The following CELF2 variants were observed in gnomAD, a reference collection of about 807,000 sequenced individuals.
CELF2 encodes the protein CUG triplet repeat RNA-binding protein 2.
Under a neutral mutation model 62.6 loss-of-function variants are expected in CELF2, and 8 were observed. That is an observed-to-expected ratio of 0.13 (90% CI 0.07 to 0.23). The LOEUF (loss-of-function observed/expected upper bound fraction) is 0.23. Ranked by LOEUF, CELF2 falls within the 10% of genes least tolerant of loss-of-function variation. The pLI is 1.00. For synonymous variants in CELF2, 258 were observed against 250.0 expected (o/e 1.03, Z -0.30); for missense variants, 333 against 671.0 (o/e 0.50, Z 5.56).
chr10:11,123,086 T>TC (rs150759800), intron 1 of CELF2, among the ~76,000 whole-genome samples: 10,591 of 152,180 alleles, frequency 0.07, 445 homozygotes, highest in African/African-American at 0.1. Flanking sequence ...TTCCTCCCGG[T>TC]CCTCAGTCTC....
chr10:11,278,585 A>G (rs1417401977), intron 8 of CELF2, among the ~76,000 whole-genome samples: 3 of 152,240 alleles, frequency 2.0e-5, no homozygotes, highest in South Asian at 2.1e-4. Context: ...TCAGAAGATC[A>G]TATAACAGAA....
the CELF2 span, among the ~76,000 whole-genome samples, chr10:10,783,231 A>C: frequency 2.6e-5 from 4 of 152,320 alleles, no homozygotes; most frequent in Non-Finnish European, 5.9e-5. Context: ...CTTGAAATAA[A>C]GTCTTTGCAG....
rs1405723864 is a variant in CELF2 at position 10,972,921 on chromosome 10, A to G, written c.89+52922A>G. Among the ~76,000 whole-genome samples the G allele has an allele frequency of 6.6e-6, 1 of 152,154 alleles. No individual in the cohort carries two copies. Among genetic ancestry groups the G allele is most frequent in the Non-Finnish European group, 1.5e-5 (1 of 68,036 alleles). On this transcript the variant is annotated intron_variant, in intron 2 of 13. Transcript: ENST00000636488. This position sits in a 1 kb window ranked among gnomAD's most constrained non-coding sequence, Gnocchi z 4.4. ...GAAGGCACAACAGGATGATCACATG[A>G]TAGATGGAAAGATGTGAAGGGAGGG...
the CELF2 span, among the ~76,000 whole-genome samples, chr10:10,773,775 C>T: frequency 6.6e-6 from 1 of 152,176 alleles, no homozygotes; most frequent in Non-Finnish European, 1.5e-5. Context: ...CAACCTTGAC[C>T]TTTTCCCTGT....
chr10:10,869,320 T>G (rs1205548700), intron 1 of CELF2, among the ~76,000 whole-genome samples: 3 of 152,104 alleles, frequency 2.0e-5, no homozygotes, highest in Non-Finnish European at 4.4e-5. Context: ...TCCCAGCACT[T>G]TGGGAGGCCA....
intron 1 of CELF2, among the ~76,000 whole-genome samples, chr10:11,116,726 A>G (rs1347833784): frequency 1.3e-5 from 2 of 152,254 alleles, no homozygotes; most frequent in African/African-American, 4.8e-5. Flanking sequence ...CAAGAAAATT[A>G]TCAGAATTTG....
At chr10:11,036,419 TTAC>T (rs2060958735) in intron 1 of CELF2, among the ~76,000 whole-genome samples, 1 of 152,222 alleles carries the variant, frequency 6.6e-6, no homozygotes, top group African/African-American at 2.4e-5. Context: ...AAAGGTACAG[TTAC>T]TAATTGAGGG....
intron 2 of CELF2, among the ~76,000 whole-genome samples, chr10:11,170,206 A>G (rs1430772049): frequency 1.3e-5 from 2 of 152,232 alleles, no homozygotes; most frequent in African/African-American, 4.8e-5. Context: ...ACTCTGCCTC[A>G]GGTCTGTGAA....
intron 7 of CELF2, among the ~76,000 whole-genome samples, chr10:11,271,820 T>C (rs926698147): frequency 1.3e-5 from 2 of 152,178 alleles, no homozygotes; most frequent in Non-Finnish European, 2.9e-5. Context: ...GGCTTTACTT[T>C]GTAGCAGAAG....
At chr10:10,643,427 G>T in the CELF2 span, among the ~76,000 whole-genome samples, 4 of 152,114 alleles carry the variant, frequency 2.6e-5, no homozygotes, top group African/African-American at 7.2e-5. Flanking sequence ...CATGTAAGAC[G>T]TGACTTTGCT....
intron 2 of CELF2, among the ~76,000 whole-genome samples, chr10:10,973,782 G>T (rs1007288277): frequency 6.6e-6 from 1 of 152,058 alleles, no homozygotes; most frequent in African/African-American, 2.4e-5. Flanking sequence ...TGCCTGGGCT[G>T]GTCTCGAACT....
the CELF2 span, among the ~76,000 whole-genome samples, chr10:10,533,648 C>G: frequency 6.6e-6 from 1 of 152,188 alleles, no homozygotes; most frequent in Non-Finnish European, 1.5e-5. Context: ...GGCTTAATCA[C>G]TTTGACAGAG....
intron 1 of CELF2, among the ~76,000 whole-genome samples, chr10:11,023,940 G>A (rs1349371033): frequency 1.3e-5 from 2 of 152,138 alleles, no homozygotes; most frequent in Non-Finnish European, 2.9e-5. Context: ...TGACGTATGA[G>A]TACAAATTCA....
the CELF2 span, among the ~76,000 whole-genome samples, chr10:10,564,682 G>GCACA: frequency 1.6e-3 from 210 of 130,772 alleles, 1 homozygote; most frequent in Middle Eastern, 3.7e-3. Flanking sequence ...ACGCACACAC[G>GCACA]CACACACACA....
intron 4 of CELF2, among the ~76,000 whole-genome samples, chr10:11,251,444 C>T (rs974292930): frequency 6.6e-6 from 1 of 151,974 alleles, no homozygotes; most frequent in African/African-American, 2.4e-5. Context: ...TCTAGAATCA[C>T]AGCACATAAT....
At position 11,227,875 on chromosome 10, in the gene CELF2, G is replaced by A. The variant is rs1045539803; in HGVS notation, c.354+10368G>A. ...CTGGAGGCTTAACTGAGTGACTGTG[G>A]GTCGCTGGGTGTATTTTAATCTGTG... is the stretch of plus-strand genomic sequence containing the variant. On this transcript the variant is annotated intron_variant, in intron 3 of 12. Coordinates refer to ENST00000633077, the MANE Select transcript of CELF2 (RefSeq NM_001326342.2). This position sits in a 1 kb window ranked among gnomAD's most constrained non-coding sequence, Gnocchi z 4.8. Among the ~76,000 whole-genome samples, 1 of 152,126 alleles carries A rather than the reference G, an allele frequency of 6.6e-6. No homozygotes were observed. Among genetic ancestry groups the A allele is most frequent in the African/African-American group, 2.4e-5 (1 of 41,410 alleles).
intron 2 of CELF2, among the ~76,000 whole-genome samples, chr10:10,977,511 C>G (rs1228899203): frequency 6.6e-6 from 1 of 152,038 alleles, no homozygotes; most frequent in Non-Finnish European, 1.5e-5. Context: ...ATAAAATGTT[C>G]CCTTCTTTGA....
chr10:10,714,869 G>A, the CELF2 span, among the ~76,000 whole-genome samples: 41 of 150,642 alleles, frequency 2.7e-4, no homozygotes, highest in Non-Finnish European at 2.8e-4. Flanking sequence ...CATTTAAGAA[G>A]CCTTATTTAA....
At chr10:10,704,030 T>G in the CELF2 span, among the ~76,000 whole-genome samples, 25 of 152,346 alleles carry the variant, frequency 1.6e-4, no homozygotes, top group African/African-American at 5.3e-4. Flanking sequence ...TTTTTCACTT[T>G]GCTTTTACGG....
Sources: gnomAD v4.1 joint callset for allele counts (sites outside exome capture counted in the v4.1 genomes callset) on GRCh38, gnomAD v4.1.1 for gene constraint, Gnocchi (gnomAD v3.1) non-coding constraint, MANE v1.5 for transcripts, NCBI Gene and HGNC (gene_info 2026-07-23, HGNC 2026-07-21) for gene names.